The following FAS variants were observed in gnomAD, a reference collection of about 807,000 sequenced individuals.
FAS encodes tumor necrosis factor receptor superfamily member 6.
FAS carries 5 observed loss-of-function variants against 33.2 expected under a neutral mutation model. The ratio of observed to expected loss-of-function variants is 0.15; its 90% confidence interval spans 0.08 to 0.32. The LOEUF (loss-of-function observed/expected upper bound fraction) is 0.32, where lower values mean the gene tolerates loss of function less well. Among genes scored for constraint, FAS ranks in the 10% least tolerant of loss-of-function variants. FAS has a pLI of 1.00. For missense variants in FAS, 339 were observed against 386.0 expected, an observed-to-expected ratio of 0.88 and a Z score of 1.02; for synonymous variants, 131 against 130.7, an observed-to-expected ratio of 1.00 and a Z score of -0.01.
intron 1 of FAS, among the ~76,000 whole-genome samples, chr10:88,996,378 G>A (rs1847593877): frequency 6.6e-6 from 1 of 151,906 alleles, no homozygotes; most frequent in Non-Finnish European, 1.5e-5. Context: ...TTTATATGTG[G>A]AATCTAAAAG....
chr10:88,972,198 C>T (rs545324085), intron 1 of FAS, among the ~76,000 whole-genome samples: 87 of 152,276 alleles, frequency 5.7e-4, no homozygotes, highest in Middle Eastern at 6.8e-3. Flanking sequence ...TGAGCCACCA[C>T]GCCCAGCCAG....
chr10:88,982,523 CAG>C (rs2133351530), upstream of FAS, among the ~76,000 whole-genome samples: 1 of 151,970 alleles, frequency 6.6e-6, no homozygotes, highest in South Asian at 2.1e-4. Context: ...ATAAAAAAGG[CAG>C]AGATTCACTG....
chr10:89,013,206 C>G, intron 7 of FAS, 137 bp from the exon 8 acceptor site: 2 of 788,716 alleles, frequency 2.5e-6, no homozygotes, highest in South Asian at 3.7e-5. Flanking sequence ...ATCACTTAAT[C>G]TAGCTTCCTA....
chr10:88,980,298 ACTTCAGGC>A (rs145975413), intron 2 of FAS, among the ~76,000 whole-genome samples: 1,607 of 152,316 alleles, frequency 0.011, 17 homozygotes, highest in African/African-American at 0.036. Context: ...GATGGTTGAC[ACTTCAGGC>A]CTTCTTTGAA....
Position 89,006,150 on chromosome 10 carries a change from A to T in FAS, c.197-1550A>T, listed in dbSNP as rs573328563. On this transcript the variant is annotated intron_variant, in intron 2 of 8. Coordinates refer to ENST00000652046, the MANE Select transcript of FAS (RefSeq NM_000043.6). ...TCCATTATACCAAGGAAGTTGTGCT[A>T]GGCACATTCTGTAAGATAATTCATT... 2.6e-5 allele frequency among the ~76,000 whole-genome samples: 4 copies of T among 152,366 alleles called. No individual in the cohort carries two copies. The South Asian group carries it at 6.2e-4, about 24-fold the overall frequency.
intron 2 of FAS, among the ~76,000 whole-genome samples, chr10:88,975,776 G>A (rs995366855): frequency 6.6e-6 from 1 of 152,182 alleles, no homozygotes; most frequent in Non-Finnish European, 1.5e-5. Flanking sequence ...AGAGCAGGAG[G>A]TGACTTGGTG....
chr10:88,974,992 A>G (rs1216308607), intron 2 of FAS: 1 of 152,200 alleles, frequency 6.6e-6, no homozygotes, highest in South Asian at 2.1e-4. Context: ...GAGGAAAATA[A>G]TAAGTTTATT....
Position 89,015,873 on chromosome 10 carries a change from A to AGG in FAS, c.*1423_*1424insGG. On this transcript the variant is annotated 3_prime_UTR_variant, in exon 9 of 9. Transcript: ENST00000652046. ...TGATGCTAAATATAACTTGTCTTTA[A>AGG]TGCTTCTTGGATCCCTTAGAAGGTA... is the stretch of plus-strand genomic sequence containing the variant. 1 of 374,510 alleles carries AGG rather than the reference A, an allele frequency of 2.7e-6. No homozygotes were observed. Among genetic ancestry groups the AGG allele is most frequent in the Admixed American group, 4.0e-5 (1 of 25,150 alleles). 23.2% of individuals were successfully genotyped at this position (374,510 alleles called of 1,614,324 possible). A position where few individuals can be genotyped will look rare whatever the true frequency, so the allele number is the denominator to read the frequency against.
At chr10:88,999,993 T>C (rs913083260) in intron 1 of FAS, among the ~76,000 whole-genome samples, 2 of 152,232 alleles carry the variant, frequency 1.3e-5, no homozygotes, top group African/African-American at 4.8e-5. Flanking sequence ...AAGTTCTCTT[T>C]AGTGTAACAT....
intron 1 of FAS, among the ~76,000 whole-genome samples, chr10:88,969,729 G>A (rs1237733214): frequency 2.0e-5 from 3 of 152,184 alleles, no homozygotes. Flanking sequence ...TTCCTTCATA[G>A]TACTTACTGT....
At chr10:89,010,452 T>C in intron 4 of FAS, 87 bp from the exon 5 acceptor site, 1 of 1,016,232 alleles carries the variant, frequency 9.8e-7, no homozygotes, top group Non-Finnish European at 1.5e-6. Context: ...ATGAATAAAA[T>C]GGCCCCTAAT....
At chr10:89,000,666 C>A (rs1008440218) in intron 1 of FAS, among the ~76,000 whole-genome samples, 2 of 152,122 alleles carry the variant, frequency 1.3e-5, no homozygotes, top group African/African-American at 4.8e-5. Flanking sequence ...CCGTTATACC[C>A]CCTCATCAAT....
chr10:88,985,729 G>C (rs1245973890), upstream of FAS, among the ~76,000 whole-genome samples: 2 of 152,142 alleles, frequency 1.3e-5, no homozygotes, highest in South Asian at 4.1e-4. Context: ...GATGTCTCTT[G>C]TTCCTTCCAG....
chr10:89,015,690 C>A lies in FAS; in HGVS notation c.*1240C>A, dbSNP rs1348480106. 1 of 497,420 alleles carries A rather than the reference C, an allele frequency of 2.0e-6. No homozygotes were observed. Among genetic ancestry groups the A allele is most frequent in the Non-Finnish European group, 3.9e-6 (1 of 259,498 alleles). 30.8% of individuals were successfully genotyped at this position (497,420 alleles called of 1,614,324 possible). On this transcript the variant is annotated 3_prime_UTR_variant, in exon 9 of 9. Coordinates refer to ENST00000652046, the MANE Select transcript of FAS (RefSeq NM_000043.6). ...AAACTGAAGCAGATACCTGGAACCA[C>A]CTAAAGAACTTCCATTTATGGAGGA...
At chr10:88,975,727 G>A (rs559865459) in intron 2 of FAS, among the ~76,000 whole-genome samples, 4 of 151,896 alleles carry the variant, frequency 2.6e-5, no homozygotes, top group African/African-American at 9.7e-5. Flanking sequence ...ATAAATATTC[G>A]AGAATTAAAG....
chr10:88,973,481 C>A, intron 2 of FAS: 1 of 815,556 alleles, frequency 1.2e-6, no homozygotes, highest in Non-Finnish European at 1.7e-6. Flanking sequence ...TCTTGATTAT[C>A]AGTTTCTCAA....
intron 2 of FAS, chr10:88,974,195 C>G (rs1191727978): frequency 1.3e-5 from 2 of 151,536 alleles, no homozygotes; most frequent in Non-Finnish European, 2.9e-5. Flanking sequence ...TGAGAGGACC[C>G]AGAAATATAC....
chr10:88,983,529 G>A (rs527619519), upstream of FAS, among the ~76,000 whole-genome samples: 1 of 132,148 alleles, frequency 7.6e-6, no homozygotes, highest in Non-Finnish European at 1.6e-5. Flanking sequence ...GTCTTTCCAA[G>A]TTTCTTTTCT....
At chr10:89,004,548 TAGCAA>T (rs1463366688) in intron 2 of FAS, among the ~76,000 whole-genome samples, 1 of 139,958 alleles carries the variant, frequency 7.1e-6, no homozygotes, top group East Asian at 2.2e-4. Flanking sequence ...CTTGCTAAGA[TAGCAA>T]TTAATTTATA....
Sources: allele counts gnomAD v4.1 joint callset (sites outside exome capture counted in the v4.1 genomes callset), GRCh38; gene constraint gnomAD v4.1.1; transcripts MANE v1.5; gene names NCBI Gene and HGNC (gene_info 2026-07-23, HGNC 2026-07-21).